The following MEOX2 variants were observed in gnomAD, a reference collection of about 807,000 sequenced individuals.
MEOX2 encodes the protein homeobox protein MOX-2.
Under a neutral mutation model 27.0 loss-of-function variants are expected in MEOX2, and 11 were observed. That is an observed-to-expected ratio of 0.41 (90% CI 0.26 to 0.68). MEOX2 has a LOEUF of 0.68. MEOX2 is among the 30% of genes least tolerant of loss of function. The pLI is 0.33. For missense variants in MEOX2, 436 were observed against 385.4 expected, an observed-to-expected ratio of 1.13 and a Z score of -1.10; for synonymous variants, 189 against 155.4, an observed-to-expected ratio of 1.22 and a Z score of -1.61.
intron 1 of MEOX2, among the ~76,000 whole-genome samples, chr7:15,671,110 C>T (rs2115390564): frequency 6.6e-6 from 1 of 152,176 alleles, no homozygotes; most frequent in South Asian, 2.1e-4. Context: ...TTTTTAAATG[C>T]TGTAATTTTC....
chr7:15,683,171 A>C (rs1782319573), intron 1 of MEOX2, among the ~76,000 whole-genome samples: 1 of 151,980 alleles, frequency 6.6e-6, no homozygotes, highest in South Asian at 2.1e-4. Context: ...GCTGTTTTTC[A>C]ATACTTTCTG....
chr7:15,653,423 C>A (rs932019223), intron 1 of MEOX2, among the ~76,000 whole-genome samples: 1 of 151,882 alleles, frequency 6.6e-6, no homozygotes, highest in South Asian at 2.1e-4. Context: ...CCCCATTGTG[C>A]AGCTGGTCTT....
chr7:15,657,084 T>C (rs1294767201), intron 1 of MEOX2, among the ~76,000 whole-genome samples: 1 of 152,196 alleles, frequency 6.6e-6, no homozygotes, highest in Non-Finnish European at 1.5e-5. Flanking sequence ...TTCATTGGTA[T>C]TGTTTCTCTT....
intron 2 of MEOX2, among the ~76,000 whole-genome samples, chr7:15,619,612 G>A (rs1244489775): frequency 6.6e-6 from 1 of 151,680 alleles, no homozygotes; most frequent in African/African-American, 2.4e-5. Context: ...ATACACATAT[G>A]CAAACACATA....
intron 1 of MEOX2, among the ~76,000 whole-genome samples, chr7:15,672,700 G>A (rs1307050136): frequency 6.6e-6 from 1 of 151,904 alleles, no homozygotes; most frequent in Non-Finnish European, 1.5e-5. Flanking sequence ...AGACCATCCT[G>A]GCTAAAATGG....
At chr7:15,639,612 C>G (rs1458316491) in intron 1 of MEOX2, among the ~76,000 whole-genome samples, 1 of 151,916 alleles carries the variant, frequency 6.6e-6, no homozygotes, top group Non-Finnish European at 1.5e-5. Context: ...ATGTTTAGAT[C>G]TTTGGTACAT....
chr7:15,647,435 A>G lies in MEOX2; in HGVS notation c.518-20517T>C, dbSNP rs1484454182. The stretch of plus-strand genomic sequence containing the variant: ...GTAAATTCTCTAGCTAAGCTCAACA[A>G]GCATTAAGATTCTGCTTATTATGCA... On this transcript the variant is annotated intron_variant, in intron 1 of 2. Coordinates refer to ENST00000262041, the MANE Select transcript of MEOX2 (RefSeq NM_005924.5). Among the ~76,000 whole-genome samples, 3 of 152,248 alleles carry G rather than the reference A, an allele frequency of 2.0e-5. No homozygotes were observed. The East Asian group carries it at 5.8e-4, about 29-fold the overall frequency.
rs577114949 is a variant in MEOX2, at chr7:15,631,844, T to C, written c.518-4926A>G. On this transcript the variant is annotated intron_variant, in intron 1 of 2. Coordinates refer to ENST00000262041, the MANE Select transcript of MEOX2 (RefSeq NM_005924.5). ...AGAATTTTAATTTTTGGAAATATCA[T>C]AAATTTATCACAGGCTATAAAATTT... 6.0e-5 allele frequency among the ~76,000 whole-genome samples: 9 copies of C among 149,778 alleles called. No homozygotes were observed. In the South Asian group the frequency reaches 1.9e-3, roughly 32 times the overall value.
intron 1 of MEOX2, chr7:15,682,089 G>A (rs1044027223): frequency 2.5e-4 from 38 of 151,660 alleles, no homozygotes; most frequent in African/African-American, 8.9e-4. Flanking sequence ...ATTTTTAAAT[G>A]TTCACACCTA....
At chr7:15,630,361 G>T (rs1443418904) in intron 1 of MEOX2, among the ~76,000 whole-genome samples, 1 of 152,054 alleles carries the variant, frequency 6.6e-6, no homozygotes, top group Non-Finnish European at 1.5e-5. Flanking sequence ...AATGCCAAAA[G>T]ATAATAATGT....
chr7:15,617,082 A>G (rs7793334), intron 2 of MEOX2, among the ~76,000 whole-genome samples: 94,505 of 151,584 alleles, frequency 0.62, 30,029 homozygotes, highest in East Asian at 0.81. Context: ...AGGTTGATAG[A>G]AAGTTGAATC....
chr7:15,673,597 CAAAAA>C (rs35223717), intron 1 of MEOX2, among the ~76,000 whole-genome samples: 3,515 of 76,276 alleles, frequency 0.046, 81 homozygotes, highest in African/African-American at 0.11. Flanking sequence ...ACAAGTCTAT[CAAAAA>C]AAAAAAAAAA....
Position 15,612,219 on chromosome 7 carries a change from G to A in MEOX2, c.*168C>T, listed in dbSNP as rs983282748. On this transcript the variant is annotated 3_prime_UTR_variant, in exon 3 of 3. Coordinates refer to ENST00000262041, the MANE Select transcript of MEOX2 (RefSeq NM_005924.5). ...CACTGTGGAAGCTCTTTAATAAGTG[G>A]CACTTTGTGTAAACCCTCTATAAAT... The A allele has an allele frequency of 2.4e-5, 15 of 622,460 alleles. No homozygotes were observed. Among genetic ancestry groups the A allele is most frequent in the African/African-American group, 1.8e-4 (10 of 54,318 alleles). 38.6% of individuals were successfully genotyped at this position (622,460 alleles called of 1,614,324 possible).
intron 1 of MEOX2, among the ~76,000 whole-genome samples, chr7:15,630,966 C>G (rs1583750885): frequency 6.6e-6 from 1 of 151,840 alleles, no homozygotes; most frequent in African/African-American, 2.4e-5. Context: ...ATCCACTTTC[C>G]AGATTTGAGA....
intron 1 of MEOX2, among the ~76,000 whole-genome samples, chr7:15,673,227 C>T (rs4532497): frequency 0.7 from 106,564 of 152,050 alleles, 37,492 homozygotes; most frequent in East Asian, 0.88. Context: ...AGTAAAAAAC[C>T]AGAGACATGT....
chr7:15,618,427 A>G (rs1781158903), intron 2 of MEOX2, among the ~76,000 whole-genome samples: 1 of 152,004 alleles, frequency 6.6e-6, no homozygotes, highest in Non-Finnish European at 1.5e-5. Context: ...CTGAGCCACT[A>G]CTTCATGCTT....
chr7:15,652,212 T>A (rs1270882890), intron 1 of MEOX2, among the ~76,000 whole-genome samples: 1 of 152,052 alleles, frequency 6.6e-6, no homozygotes. Context: ...AAAAGAACTA[T>A]TAGGTAAATT....
intron 1 of MEOX2, among the ~76,000 whole-genome samples, chr7:15,654,372 T>C (rs1185600822): frequency 6.6e-6 from 1 of 151,874 alleles, no homozygotes; most frequent in African/African-American, 2.4e-5. Context: ...ACAGGCTTTT[T>C]TTTCTTCCTT....
Position 15,614,356 on chromosome 7 carries a change from G to T in MEOX2, c.691-1745C>A, listed in dbSNP as rs182991478. On this transcript the variant is annotated intron_variant, in intron 2 of 2. Transcript: ENST00000262041. Reference sequence around the variant, plus strand: ...TTGAGCCCAAGTGGTTGAGGTTGCAGTCAGTGGTTGTTGCACCACTGCACT... The same window carrying T: ...TTGAGCCCAAGTGGTTGAGGTTGCATTCAGTGGTTGTTGCACCACTGCACT... Among the ~76,000 whole-genome samples, 466 of 152,098 alleles carry T rather than the reference G, an allele frequency of 3.1e-3. 3 individuals are homozygous for T. The highest frequency in any genetic ancestry group is 0.011 in the African/African-American group (446 of 41,458).
Sources: gnomAD v4.1 joint callset for allele counts (sites outside exome capture counted in the v4.1 genomes callset) on GRCh38, gnomAD v4.1.1 for gene constraint, MANE v1.5 for transcripts, NCBI Gene and HGNC (gene_info 2026-07-23, HGNC 2026-07-21) for gene names.